The following ARIH1 variants were observed in gnomAD, a reference collection of about 807,000 sequenced individuals.
The protein encoded by ARIH1 is ariadne RBR E3 ubiquitin protein ligase 1.
A neutral mutation model predicts 85.0 loss-of-function variants in ARIH1; 8 were observed. That is an observed-to-expected ratio of 0.09 (90% CI 0.06 to 0.17). The LOEUF is 0.17. Among genes scored for constraint, ARIH1 ranks in the 10% least tolerant of loss-of-function variants. The pLI is 1.00. For synonymous variants in ARIH1, 238 were observed against 253.6 expected, an observed-to-expected ratio of 0.94 and a Z score of 0.59; for missense variants, 311 against 718.1, an observed-to-expected ratio of 0.43 and a Z score of 6.48.
chr15:72,474,386 CG>C lies in ARIH1; in HGVS notation c.-252del. The C allele has an allele frequency of 2.0e-6, 1 of 506,560 alleles. No individual in the cohort carries two copies. Among genetic ancestry groups the C allele is most frequent in the Non-Finnish European group, 3.5e-6 (1 of 288,334 alleles). 31.4% of individuals were successfully genotyped at this position (506,560 alleles called of 1,614,324 possible). On this transcript the variant is annotated 5_prime_UTR_variant, in exon 1 of 14. Transcript: ENST00000379887. ...TTGGGGACTGTTTTCTCTCGGAGGCCGGAGCGGAGCCGCGTCTGACTGAGGC... is the reference window on the plus strand; with the variant it reads ...TTGGGGACTGTTTTCTCTCGGAGGCCGAGCGGAGCCGCGTCTGACTGAGGC...
intron 6 of ARIH1, among the ~76,000 whole-genome samples, chr15:72,562,955 C>T (rs1003179025): frequency 1.3e-5 from 2 of 149,956 alleles, no homozygotes; most frequent in Non-Finnish European, 3.0e-5. Context: ...AGCAAGTTTT[C>T]ATAAGCTTGT....
At chr15:72,535,481 T>C (rs1468684004) in intron 2 of ARIH1, among the ~76,000 whole-genome samples, 1 of 152,204 alleles carries the variant, frequency 6.6e-6, no homozygotes, top group Non-Finnish European at 1.5e-5. Context: ...AACTTAATTA[T>C]ATTACTACCT....
chr15:72,503,640 G>T (rs1234746265), intron 1 of ARIH1, among the ~76,000 whole-genome samples: 1 of 152,158 alleles, frequency 6.6e-6, no homozygotes. Flanking sequence ...AATACTGATT[G>T]ATCAAAGTCA....
At chr15:72,485,339 TGGG>T in intron 1 of ARIH1, among the ~76,000 whole-genome samples, 1 of 152,280 alleles carries the variant, frequency 6.6e-6, no homozygotes, top group East Asian at 1.9e-4. Context: ...AGTGGGTCTC[TGGG>T]GGGTTTGGAC....
At chr15:72,550,678 A>G (rs1256904947) in intron 3 of ARIH1, among the ~76,000 whole-genome samples, 1 of 151,990 alleles carries the variant, frequency 6.6e-6, no homozygotes, top group Non-Finnish European at 1.5e-5. Context: ...TCATATATAT[A>G]TATATTTTAA....
chr15:72,566,658 A>G, intron 8 of ARIH1, 53 bp downstream of exon 8: 1 of 1,467,936 alleles, frequency 6.8e-7, no homozygotes, highest in Non-Finnish European at 9.4e-7. Context: ...TCTAAGACTT[A>G]GTGACTAAAA....
chr15:72,549,375 G>A (rs1222045320), intron 3 of ARIH1, among the ~76,000 whole-genome samples: 3 of 151,944 alleles, frequency 2.0e-5, no homozygotes, highest in Admixed American at 6.6e-5. Context: ...GGAGTGAGCC[G>A]CCACGGCCAG....
intron 11 of ARIH1, among the ~76,000 whole-genome samples, chr15:72,572,639 A>AT (rs559576375): frequency 6.4e-4 from 98 of 152,376 alleles, no homozygotes; most frequent in African/African-American, 2.2e-3. Context: ...GAACATTCTT[A>AT]TAGTAAGTTT....
At chr15:72,500,589 C>T (rs969908683) in intron 1 of ARIH1, among the ~76,000 whole-genome samples, 1 of 151,980 alleles carries the variant, frequency 6.6e-6, no homozygotes, top group Non-Finnish European at 1.5e-5. Context: ...GAATTCCTAT[C>T]AGTTGAATGT....
intron 2 of ARIH1, among the ~76,000 whole-genome samples, chr15:72,536,275 C>G (rs2064081432): frequency 6.6e-6 from 1 of 152,120 alleles, no homozygotes; most frequent in Non-Finnish European, 1.5e-5. Context: ...AATTTTATTT[C>G]TAATAGAGAT....
chr15:72,547,953 A>G (rs1196942709), intron 3 of ARIH1, among the ~76,000 whole-genome samples: 1 of 152,218 alleles, frequency 6.6e-6, no homozygotes. Context: ...CTAGAATTCA[A>G]AATCATGACT....
intron 3 of ARIH1, among the ~76,000 whole-genome samples, chr15:72,552,042 C>T (rs2064154995): frequency 6.6e-6 from 1 of 152,096 alleles, no homozygotes; most frequent in Non-Finnish European, 1.5e-5. Flanking sequence ...AATCTCTTTG[C>T]AGGGGAGCCT....
At chr15:72,524,115 T>G (rs192910049) in intron 2 of ARIH1, among the ~76,000 whole-genome samples, 1 of 150,004 alleles carries the variant, frequency 6.7e-6, no homozygotes, top group East Asian at 2.0e-4. Context: ...CCTGGCGAAT[T>G]TTTTTGTATT....
chr15:72,556,857 C>G (rs1000956181), intron 5 of ARIH1, among the ~76,000 whole-genome samples: 1 of 152,206 alleles, frequency 6.6e-6, no homozygotes, highest in African/African-American at 2.4e-5. Flanking sequence ...ATGATGACCT[C>G]TAGCTGCATT....
intron 3 of ARIH1, among the ~76,000 whole-genome samples, chr15:72,550,879 C>T (rs2140427150): frequency 6.6e-6 from 1 of 152,228 alleles, no homozygotes; most frequent in South Asian, 2.1e-4. Flanking sequence ...ACCATGTTGG[C>T]CAGGTTGGTC....
chr15:72,582,855 C>T lies in ARIH1; in HGVS notation c.1590-353C>T, dbSNP rs966766085. ...TTGTTTACAGTACTTTTACAGTTGA[C>T]AGAGATTTTAAGGACGTGAATAAAG... On this transcript the variant is annotated intron_variant, in intron 13 of 13. Coordinates refer to ENST00000379887, the MANE Select transcript of ARIH1 (RefSeq NM_005744.5). This position sits in a 1 kb window ranked among gnomAD's most constrained non-coding sequence, Gnocchi z 4.6. Among the ~76,000 whole-genome samples, 2 of 152,062 alleles carry T rather than the reference C, an allele frequency of 1.3e-5. No homozygotes were observed. Among genetic ancestry groups the T allele is most frequent in the African/African-American group, 4.8e-5 (2 of 41,434 alleles).
At chr15:72,514,635 T>C (rs1313857840) in intron 1 of ARIH1, among the ~76,000 whole-genome samples, 1 of 151,746 alleles carries the variant, frequency 6.6e-6, no homozygotes, top group Non-Finnish European at 1.5e-5. Context: ...AACCAAGAGG[T>C]TGAGGCTGCA....
chr15:72,528,370 A>G (rs548169135), intron 2 of ARIH1, among the ~76,000 whole-genome samples: 28 of 152,308 alleles, frequency 1.8e-4, no homozygotes, highest in African/African-American at 6.3e-4. Context: ...TACCCATTTA[A>G]TGGGTAGGTA....
intron 3 of ARIH1, among the ~76,000 whole-genome samples, chr15:72,553,503 C>A (rs992340372): frequency 2.0e-5 from 3 of 151,800 alleles, no homozygotes; most frequent in Non-Finnish European, 4.4e-5. Flanking sequence ...CATTTTATAA[C>A]CCCCCAGGAG....
Sources: gnomAD v4.1 joint callset for allele counts (sites outside exome capture counted in the v4.1 genomes callset) on GRCh38, gnomAD v4.1.1 for gene constraint, Gnocchi (gnomAD v3.1) non-coding constraint, MANE v1.5 for transcripts, NCBI Gene and HGNC (gene_info 2026-07-23, HGNC 2026-07-21) for gene names.